Variants in ROBO2 observed in about 807,000 individuals in gnomAD.
ROBO2 encodes the protein roundabout homolog 2.
Under a neutral mutation model 160.8 loss-of-function variants are expected in ROBO2, and 53 were observed. The observed-to-expected ratio is 0.33, with a 90% CI of 0.26 to 0.41. The LOEUF (loss-of-function observed/expected upper bound fraction) is 0.41. ROBO2 is among the 10% of genes least tolerant of loss of function. The pLI, the probability that ROBO2 is intolerant of heterozygous loss-of-function variation, is 1.00. For synonymous variants in ROBO2, 664 were observed against 611.7 expected (o/e 1.09, Z -1.26); for missense variants, 1,577 against 1,722.4 (o/e 0.92, Z 1.49).
At chr3:77,360,796 ACTT>A (rs2069859613) in intron 2 of ROBO2, among the ~76,000 whole-genome samples, 1 of 152,030 alleles carries the variant, frequency 6.6e-6, no homozygotes, top group Non-Finnish European at 1.5e-5. Flanking sequence ...CATTTTCACA[ACTT>A]AATTCTTAGC....
intron 1 of ROBO2, among the ~76,000 whole-genome samples, chr3:77,095,359 C>G (rs1028960084): frequency 6.6e-6 from 1 of 151,984 alleles, no homozygotes; most frequent in Non-Finnish European, 1.5e-5. Context: ...TATTTTTTCA[C>G]TTTTTCTTTT....
chr3:76,330,768 G>A (rs1460783222), intron 2 of ROBO2, among the ~76,000 whole-genome samples: 1 of 151,828 alleles, frequency 6.6e-6, no homozygotes, highest in Non-Finnish European at 1.5e-5. Flanking sequence ...CTTTTGCTTT[G>A]TCAGTGAAAA....
intron 2 of ROBO2, among the ~76,000 whole-genome samples, chr3:77,449,901 A>G (rs961996246): frequency 6.6e-6 from 1 of 152,112 alleles, no homozygotes; most frequent in African/African-American, 2.4e-5. Context: ...TGCGATGCAC[A>G]ATGGGCTTTT....
Position 76,262,213 on chromosome 3 carries a change from T to C in ROBO2, c.109+324611T>C, listed in dbSNP as rs531232037. On this transcript the variant is annotated intron_variant, in intron 2 of 26. Coordinates refer to the ROBO2 transcript ENST00000487694. ...TATTTAAAAGCTAAATCCAGAACAT[T>C]TAATACTTATTAAATATTATAATGT... Among the ~76,000 whole-genome samples the C allele has an allele frequency of 2.6e-4, 40 of 152,246 alleles. No individual in the cohort carries two copies. In the South Asian group the frequency reaches 8.1e-3, roughly 31 times the overall value.
intron 2 of ROBO2, among the ~76,000 whole-genome samples, chr3:77,002,266 TAG>T (rs1156393611): frequency 6.6e-6 from 1 of 151,990 alleles, no homozygotes; most frequent in African/African-American, 2.4e-5. Context: ...TTAATGTTAT[TAG>T]TGTATATCTT....
chr3:76,946,513 C>T (rs1413930598), intron 2 of ROBO2, among the ~76,000 whole-genome samples: 8 of 152,148 alleles, frequency 5.3e-5, no homozygotes, highest in Non-Finnish European at 1.0e-4. Context: ...TCTCAGCTCA[C>T]TACAACCTCT....
intron 2 of ROBO2, among the ~76,000 whole-genome samples, chr3:76,095,635 A>G (rs924635171): frequency 6.6e-6 from 1 of 152,036 alleles, no homozygotes; most frequent in African/African-American, 2.4e-5. Context: ...TCTAAAATTT[A>G]TTGGATAACA....
At chr3:77,016,543 G>T (rs2062271156) in intron 2 of ROBO2, among the ~76,000 whole-genome samples, 1 of 152,110 alleles carries the variant, frequency 6.6e-6, no homozygotes, top group Non-Finnish European at 1.5e-5. Context: ...ATAGTTACCA[G>T]TTCAGTCAGG....
chr3:76,689,815 C>T (rs190922635), intron 2 of ROBO2, among the ~76,000 whole-genome samples: 27 of 152,166 alleles, frequency 1.8e-4, no homozygotes, highest in South Asian at 4.1e-4. Flanking sequence ...TCCAGTTCCC[C>T]GTTCTCTCTG....
At chr3:76,536,693 G>C (rs1216647448) in intron 2 of ROBO2, among the ~76,000 whole-genome samples, 1 of 152,178 alleles carries the variant, frequency 6.6e-6, no homozygotes, top group Admixed American at 6.5e-5. Flanking sequence ...GTCAGTGTGA[G>C]ATTGGGCTAG....
intron 19 of ROBO2, 45 bp downstream of exon 20, chr3:77,596,795 CTT>C (rs35328861): frequency 0.11 from 134,143 of 1,250,072 alleles, 1 homozygote; most frequent in South Asian, 0.14. Flanking sequence ...TTCTCTCTCT[CTT>C]TTTTTTTTTT....
intron 1 of ROBO2, among the ~76,000 whole-genome samples, chr3:77,085,093 T>A (rs2069131107): frequency 6.6e-6 from 1 of 152,104 alleles, no homozygotes. Context: ...ATGAAAAGTA[T>A]CCTGATCATT....
At chr3:77,263,199 A>T (rs1008955127) in intron 2 of ROBO2, among the ~76,000 whole-genome samples, 1 of 152,196 alleles carries the variant, frequency 6.6e-6, no homozygotes, top group African/African-American at 2.4e-5. Flanking sequence ...GACTTCAGAG[A>T]GGCAAAGCTA....
chr3:77,452,666 T>C (rs1326540678), intron 2 of ROBO2, among the ~76,000 whole-genome samples: 3 of 152,188 alleles, frequency 2.0e-5, no homozygotes, highest in African/African-American at 2.4e-5. Context: ...GCTCAATAAA[T>C]AGTAGCTGTT....
At chr3:76,110,561 G>A (rs930284902) in intron 2 of ROBO2, among the ~76,000 whole-genome samples, 2 of 152,068 alleles carry the variant, frequency 1.3e-5, no homozygotes, top group East Asian at 3.9e-4. Context: ...ATGTTTTAGA[G>A]TTAAAGGTTA....
At chr3:76,676,779 G>C (rs1287144574) in intron 2 of ROBO2, among the ~76,000 whole-genome samples, 2 of 152,068 alleles carry the variant, frequency 1.3e-5, no homozygotes, top group African/African-American at 4.8e-5. Context: ...ATACATTTTG[G>C]TTGTAGGGCT....
intron 2 of ROBO2, among the ~76,000 whole-genome samples, chr3:76,397,811 A>C (rs1302218177): frequency 1.3e-5 from 2 of 152,022 alleles, no homozygotes; most frequent in African/African-American, 4.8e-5. Flanking sequence ...CAATCATTAA[A>C]AAGTCAGGAA....
chr3:77,228,835 G>T (rs1357984779), intron 2 of ROBO2, among the ~76,000 whole-genome samples: 1 of 152,110 alleles, frequency 6.6e-6, no homozygotes, highest in Non-Finnish European at 1.5e-5. Context: ...CTGATCTCTT[G>T]AAGTTACTCT....
chr3:77,287,098 C>T (rs533168986), intron 2 of ROBO2, among the ~76,000 whole-genome samples: 125 of 152,228 alleles, frequency 8.2e-4, no homozygotes, highest in Non-Finnish European at 1.5e-3. Flanking sequence ...GTTCATAAGC[C>T]ATTGTTTTAT....
Sources: gnomAD v4.1 joint callset for allele counts (sites outside exome capture counted in the v4.1 genomes callset) on GRCh38, gnomAD v4.1.1 for gene constraint, MANE v1.5 for transcripts, NCBI Gene and HGNC (gene_info 2026-07-23, HGNC 2026-07-21) for gene names.